STRN3: variants seen among roughly 807,000 people sequenced by gnomAD.
The protein encoded by STRN3 is striatin-3.
Under a neutral mutation model 95.6 loss-of-function variants are expected in STRN3, and 29 were observed. The ratio of observed to expected loss-of-function variants is 0.30; its 90% CI spans 0.23 to 0.41. The LOEUF is 0.41. Among genes scored for constraint, STRN3 ranks in the 10% least tolerant of loss-of-function variants. The pLI is 1.00. For missense variants in STRN3, 890 were observed against 972.1 expected, an observed-to-expected ratio of 0.92 and a Z score of 1.12; for synonymous variants, 331 against 357.6, an observed-to-expected ratio of 0.93 and a Z score of 0.84.
At chr14:30,991,182 T>A (rs1881936820) in intron 1 of STRN3, among the ~76,000 whole-genome samples, 1 of 152,186 alleles carries the variant, frequency 6.6e-6, no homozygotes, top group African/African-American at 2.4e-5. Context: ...TATTAAGAGG[T>A]CATGTGGAGT....
rs150334125 is a variant in STRN3 at position 31,009,590 on chromosome 14, A to G, written c.282+16314T>C. ...TTGTTCCTGGAAAATCAGGATTACA[A>G]AAAACCATTGCCAATTTTTTTTTTT... On this transcript the variant is annotated intron_variant, in intron 1 of 17. Coordinates refer to ENST00000357479, the MANE Select transcript of STRN3 (RefSeq NM_001083893.2). Among the ~76,000 whole-genome samples, 1,329 of 145,384 alleles carry G rather than the reference A, an allele frequency of 9.1e-3. 19 individuals are homozygous for G. The highest frequency in any genetic ancestry group is 0.032 in the African/African-American group (1,280 of 39,856).
intron 7 of STRN3, among the ~76,000 whole-genome samples, chr14:30,929,967 A>AAAAAAAAAAAAAAAAAAAAAAAAC (rs1555317336): frequency 1.9e-3 from 174 of 91,172 alleles, no homozygotes; most frequent in Non-Finnish European, 2.6e-3. Flanking sequence ...AAAAAAAAAA[A>AAAAAAAAAAAAAAAAAAAAAAAAC]AAAAAAAAAA....
intron 16 of STRN3, among the ~76,000 whole-genome samples, chr14:30,897,116 T>C (rs1419992240): frequency 1.3e-5 from 2 of 152,228 alleles, no homozygotes; most frequent in African/African-American, 2.4e-5. Flanking sequence ...AGAGGCTTTT[T>C]CCAAAATTCT....
chr14:30,904,961 T>TA (rs374512182), intron 15 of STRN3, among the ~76,000 whole-genome samples: 8,275 of 126,002 alleles, frequency 0.066, 256 homozygotes, highest in East Asian at 0.1. Context: ...TTTCGTCAAT[T>TA]AAAAAAAAAA....
chr14:30,916,957 C>T (rs1896755943), intron 9 of STRN3, among the ~76,000 whole-genome samples: 1 of 152,164 alleles, frequency 6.6e-6, no homozygotes, highest in African/African-American at 2.4e-5. Context: ...CCAGTGGCAA[C>T]ATGGTAGGTC....
intron 8 of STRN3, among the ~76,000 whole-genome samples, chr14:30,925,048 A>C (rs1391331464): frequency 2.6e-5 from 4 of 152,194 alleles, no homozygotes; most frequent in African/African-American, 9.6e-5. Context: ...TGAGACCAAA[A>C]TAACTGCATC....
At chr14:30,945,308 A>G (rs1477882753) in intron 5 of STRN3, among the ~76,000 whole-genome samples, 3 of 152,278 alleles carry the variant, frequency 2.0e-5, no homozygotes, top group South Asian at 2.1e-4. Flanking sequence ...CCACATACCC[A>G]TCACCTATAT....
rs1175707685 is a variant in STRN3, at chr14:31,018,502, G to A, written c.282+7402C>T. 4.7e-6 allele frequency: 2 copies of A among 427,500 alleles called. 1 individual carries two copies. The highest frequency in any genetic ancestry group is 9.3e-6 in the Non-Finnish European group (2 of 214,602). The allele number at this position is 427,500 out of a possible 1,614,324, so 26.5% of individuals were successfully genotyped here. ...CTCCTTCAGAGCAGAGCTTCTCTAG[G>A]GAACTTGGATGCGAAACAACTATGG... On this transcript the variant is annotated intron_variant, in intron 1 of 17. Transcript: ENST00000357479.
chr14:30,926,434 G>C (rs1407195371), intron 8 of STRN3, among the ~76,000 whole-genome samples: 3 of 151,926 alleles, frequency 2.0e-5, no homozygotes, highest in African/African-American at 7.2e-5. Flanking sequence ...TACGTATAAA[G>C]ACTTTTAAGA....
In STRN3 at chr14:30,936,556, T is replaced by G. The variant is rs1296840592; in HGVS notation, c.785A>C (p.Glu262Ala). 2 of 1,613,946 alleles carry G rather than the reference T, an allele frequency of 1.2e-6. No homozygotes were observed. The highest frequency in any genetic ancestry group is 1.7e-5 in the Admixed American group (1 of 60,012). The change falls in exon 6 of 18, where the codon GAA becomes GCA. Residue 262 changes from glutamate to alanine, a missense_variant. Coordinates refer to ENST00000357479, the MANE Select transcript of STRN3 (RefSeq NM_001083893.2). ...TGGGATGCCTTCGATCATGTCATTT[T>G]CCTCATCTTCATCACTGTCATCGGC... The part of the protein sequence containing the change: ...ENADDSDEDE[E>A]NDMIEGIPEG...
intron 1 of STRN3, among the ~76,000 whole-genome samples, chr14:30,965,856 T>C (rs1428718371): frequency 6.6e-6 from 1 of 152,040 alleles, no homozygotes; most frequent in Non-Finnish European, 1.5e-5. Flanking sequence ...GAATGTTAGA[T>C]ATGAGTTCTA....
chr14:30,915,190 A>T (rs1392119236), intron 9 of STRN3, among the ~76,000 whole-genome samples: 3 of 152,194 alleles, frequency 2.0e-5, no homozygotes, highest in African/African-American at 4.8e-5. Context: ...TGATATAAAT[A>T]TGCTACAGGA....
chr14:30,964,605 G>T, intron 1 of STRN3: 1 of 157,430 alleles, frequency 6.4e-6, no homozygotes, highest in South Asian at 1.8e-4. Context: ...TGAGAATTAT[G>T]GGCAAAACCT....
At position 30,944,561 on chromosome 14, in the gene STRN3, A is replaced by T. The variant is rs1221878515; in HGVS notation, c.716+2529T>A. On this transcript the variant is annotated intron_variant, in intron 5 of 17. Coordinates refer to ENST00000357479, the MANE Select transcript of STRN3 (RefSeq NM_001083893.2). ...TACATGTATATATACACGTATATAT[A>T]TATATATATACACACACAGACACAC... Among the ~76,000 whole-genome samples the T allele has an allele frequency of 4.2e-5, 3 of 72,140 alleles. 1 individual carries two copies. Among genetic ancestry groups the T allele is most frequent in the Admixed American group, 1.3e-4 (1 of 7,728 alleles). 47.3% of individuals were successfully genotyped at this position (72,140 alleles called of 152,430 possible).
At chr14:31,017,440 AGT>A (rs1883292696) in intron 1 of STRN3, among the ~76,000 whole-genome samples, 1 of 151,846 alleles carries the variant, frequency 6.6e-6, no homozygotes, top group African/African-American at 2.4e-5. Flanking sequence ...CAGAGCTTGC[AGT>A]GAGCCGAGAT....
At chr14:30,968,286 CAAAAAAAA>C (rs71112363) in intron 1 of STRN3, among the ~76,000 whole-genome samples, 2 of 83,062 alleles carry the variant, frequency 2.4e-5, no homozygotes, top group Non-Finnish European at 4.9e-5. Context: ...TTATCATCTT[CAAAAAAAA>C]AAAAAAGAAA....
chr14:30,899,960 A>G (rs190028676), intron 16 of STRN3, among the ~76,000 whole-genome samples: 50 of 152,356 alleles, frequency 3.3e-4, no homozygotes, highest in African/African-American at 1.2e-3. Context: ...CTCATTTTAT[A>G]AAGTAATACT....
intron 1 of STRN3, among the ~76,000 whole-genome samples, chr14:30,970,545 C>T (rs1476489851): frequency 4.6e-5 from 7 of 152,286 alleles, no homozygotes; most frequent in African/African-American, 1.7e-4. Context: ...AAGCCAGTTC[C>T]CTTCTTTATG....
chr14:31,025,585 T>G (rs1883794521), intron 1 of STRN3: 1 of 417,830 alleles, frequency 2.4e-6, no homozygotes, highest in Non-Finnish European at 4.4e-6. Context: ...CACAGAGAGG[T>G]GCTCGGTCCC....
Sources: gnomAD v4.1 joint callset for allele counts (sites outside exome capture counted in the v4.1 genomes callset) on GRCh38, gnomAD v4.1.1 for gene constraint, MANE v1.5 for transcripts, NCBI Gene and HGNC (gene_info 2026-07-23, HGNC 2026-07-21) for gene names.